The following LARS1 variants were observed in gnomAD, a reference collection of about 807,000 sequenced individuals.
The protein encoded by LARS1 is leucyl-tRNA synthetase 1.
In LARS1, 100 loss-of-function variants were observed where a neutral mutation model predicts 162.8. The observed-to-expected ratio is 0.61, with a 90% CI of 0.52 to 0.73. LARS1 has a LOEUF of 0.73. Ranked by LOEUF, LARS1 falls within the 30% of genes least tolerant of loss-of-function variation. The pLI is 0.00. For missense variants in LARS1, 1,258 were observed against 1,408.9 expected, an observed-to-expected ratio of 0.89 and a Z score of 1.71; for synonymous variants, 457 against 462.8, an observed-to-expected ratio of 0.99 and a Z score of 0.16.
intron 29 of LARS1, among the ~76,000 whole-genome samples, chr5:146,123,332 C>T (rs772667739): frequency 3.3e-5 from 5 of 151,744 alleles, no homozygotes; most frequent in East Asian, 1.9e-4. Context: ...AGCTTATTTA[C>T]GATCTATATA....
intron 8 of LARS1, among the ~76,000 whole-genome samples, chr5:146,158,307 T>A (rs1248091523): frequency 6.6e-6 from 1 of 152,228 alleles, no homozygotes; most frequent in Non-Finnish European, 1.5e-5. Context: ...AAATCTAGGA[T>A]ATTGCTGCCA....
chr5:146,170,741 T>A (rs1754229154), intron 4 of LARS1, among the ~76,000 whole-genome samples: 1 of 152,072 alleles, frequency 6.6e-6, no homozygotes, highest in South Asian at 2.1e-4. Context: ...ATGCCTGTAA[T>A]CCCAGCACTT....
At chr5:146,115,267 G>A (rs1434547534) in intron 31 of LARS1, among the ~76,000 whole-genome samples, 5 of 151,628 alleles carry the variant, frequency 3.3e-5, no homozygotes, top group African/African-American at 9.7e-5. Context: ...ACAGAATATC[G>A]AAAAATCTAA....
intron 5 of LARS1, among the ~76,000 whole-genome samples, chr5:146,166,244 T>C (rs557427046): frequency 5.9e-5 from 9 of 152,146 alleles, no homozygotes; most frequent in African/African-American, 2.2e-4. Flanking sequence ...AAGAAAGCAA[T>C]TGCTTTGAAC....
intron 2 of LARS1, among the ~76,000 whole-genome samples, chr5:146,174,359 C>T (rs948102756): frequency 2.0e-5 from 3 of 148,056 alleles, no homozygotes; most frequent in Non-Finnish European, 3.0e-5. Flanking sequence ...GCAGGAGAAT[C>T]GCTTGAACAC....
In LARS1 at chr5:146,131,636, G is replaced by T. The variant is rs1164892853; in HGVS notation, c.2397-527C>A. 2.0e-5 allele frequency: 3 copies of T among 151,478 alleles called. No individual in the cohort carries two copies. In the East Asian group the frequency reaches 5.8e-4, roughly 29 times the overall value. The allele number at this position is 151,478 out of a possible 1,614,324, so 9.4% of individuals were successfully genotyped here. A position where few individuals can be genotyped will look rare whatever the true frequency, so the allele number is the denominator to read the frequency against. ...CCTCCCAAGTACTAGGACTACAGGCGCAAGCCACCACACCCAGCTAATTTT... is the reference window on the plus strand; with the variant it reads ...CCTCCCAAGTACTAGGACTACAGGCTCAAGCCACCACACCCAGCTAATTTT... On this transcript the variant is annotated intron_variant, in intron 23 of 31. Coordinates refer to ENST00000394434, the MANE Select transcript of LARS1 (RefSeq NM_020117.11).
At chr5:146,132,588 C>T (rs887326104) in intron 23 of LARS1, 5 of 200,242 alleles carry the variant, frequency 2.5e-5, no homozygotes, top group African/African-American at 1.2e-4. Flanking sequence ...GTTCATATCC[C>T]AAGTTTGCAA....
chr5:146,130,372 A>G, intron 24 of LARS1: 1 of 552,048 alleles, frequency 1.8e-6, no homozygotes, highest in Non-Finnish European at 3.1e-6. Flanking sequence ...TCTCAAAAAA[A>G]GAATTTTTTT....
At chr5:146,142,035 C>T (rs559198637) in intron 20 of LARS1, among the ~76,000 whole-genome samples, 4 of 152,200 alleles carry the variant, frequency 2.6e-5, no homozygotes, top group African/African-American at 9.6e-5. Flanking sequence ...TGGTGCACAC[C>T]TGTAATCCCA....
At chr5:146,173,701 T>C (rs1252839186) in intron 2 of LARS1, among the ~76,000 whole-genome samples, 1 of 152,082 alleles carries the variant, frequency 6.6e-6, no homozygotes, top group Non-Finnish European at 1.5e-5. Context: ...CATAATAAAA[T>C]GAACACTTGT....
At chr5:146,119,460 T>C (rs1183674778) in intron 31 of LARS1, among the ~76,000 whole-genome samples, 1 of 152,212 alleles carries the variant, frequency 6.6e-6, no homozygotes, top group African/African-American at 2.4e-5. Flanking sequence ...TAGGGATTTA[T>C]AAATCTTTTT....
chr5:146,122,189 G>A (rs923376428), intron 30 of LARS1, among the ~76,000 whole-genome samples: 2 of 151,982 alleles, frequency 1.3e-5, no homozygotes, highest in African/African-American at 2.4e-5. Context: ...TACATTTCCA[G>A]TATTTTTAAA....
intron 8 of LARS1, 144 bp from the exon 9 acceptor site, chr5:146,157,939 G>C: frequency 1.3e-6 from 1 of 742,620 alleles, no homozygotes; most frequent in Non-Finnish European, 2.3e-6. Context: ...ATTGCCAGTG[G>C]TGTGCTAACT....
At chr5:146,119,170 C>T (rs569139466) in intron 31 of LARS1, among the ~76,000 whole-genome samples, 88 of 152,308 alleles carry the variant, frequency 5.8e-4, no homozygotes, top group African/African-American at 2.0e-3. Context: ...TTATCATACA[C>T]TGCAATAGCT....
At chr5:146,174,201 G>A (rs1219597184) in intron 2 of LARS1, among the ~76,000 whole-genome samples, 4 of 132,226 alleles carry the variant, frequency 3.0e-5, no homozygotes, top group Non-Finnish European at 6.2e-5. Context: ...TCTAATCCCA[G>A]CACTTTGGGA....
chr5:146,179,278 C>A (rs1397337071), intron 1 of LARS1, among the ~76,000 whole-genome samples: 1 of 152,064 alleles, frequency 6.6e-6, no homozygotes, highest in Non-Finnish European at 1.5e-5. Flanking sequence ...TCTCCTGCCT[C>A]AGCCTCCCGA....
rs1282062002 is a variant in LARS1 at position 146,171,177 on chromosome 5, G to A, written c.294+733C>T. Among the ~76,000 whole-genome samples the A allele has an allele frequency of 2.0e-5, 3 of 151,816 alleles. 1 individual carries two copies. The highest frequency in any genetic ancestry group is 1.3e-4 in the Admixed American group (2 of 15,196). Reference sequence around the variant, plus strand: ...TTCCAGAACAGCCTAGCCAACACGGGGAAACCTCGTCTCTACTAAAAATAC... The same window carrying A: ...TTCCAGAACAGCCTAGCCAACACGGAGAAACCTCGTCTCTACTAAAAATAC... On this transcript the variant is annotated intron_variant, in intron 4 of 31. Coordinates refer to ENST00000394434, the MANE Select transcript of LARS1 (RefSeq NM_020117.11).
intron 3 of LARS1, 48 bp downstream of exon 3, chr5:146,172,639 T>G: frequency 9.2e-7 from 1 of 1,085,474 alleles, no homozygotes; most frequent in Admixed American, 2.5e-5. Context: ...AAAACAATAT[T>G]CGTTAAAAAC....
In LARS1 at chr5:146,159,488, A is replaced by C; in HGVS notation, c.708-18T>G. On this transcript the variant is annotated intron_variant, in intron 7 of 31. Coordinates refer to ENST00000394434, the MANE Select transcript of LARS1 (RefSeq NM_020117.11). Reference sequence around the variant, plus strand: ...TTGTATACCTAAAAAATAAACAAAAAGTGACAAACATTATTATAATATTCA... The same window carrying C: ...TTGTATACCTAAAAAATAAACAAAACGTGACAAACATTATTATAATATTCA... 12 of 1,566,902 alleles carry C rather than the reference A, an allele frequency of 7.7e-6. No homozygotes were observed. Among genetic ancestry groups the C allele is most frequent in the Non-Finnish European group, 1.1e-5 (12 of 1,137,652 alleles).
Sources: allele counts gnomAD v4.1 joint callset (sites outside exome capture counted in the v4.1 genomes callset), GRCh38; gene constraint gnomAD v4.1.1; transcripts MANE v1.5; gene names NCBI Gene and HGNC (gene_info 2026-07-23, HGNC 2026-07-21).